Variants in TAB2 observed in about 807,000 individuals in gnomAD.
The protein encoded by TAB2 is TGF-beta-activated kinase 1 and MAP3K7-binding protein 2.
TAB2 carries 3 observed loss-of-function variants against 65.0 expected under a neutral mutation model. That is an observed-to-expected ratio of 0.05 (90% CI 0.02 to 0.12). The LOEUF (loss-of-function observed/expected upper bound fraction) is 0.12. Among genes scored for constraint, TAB2 ranks in the 10% least tolerant of loss-of-function variants. The probability of loss-of-function intolerance (pLI) is 1.00; values close to 1 mark genes in which losing one functional copy is unlikely to be tolerated. For missense variants in TAB2, 623 were observed against 840.3 expected, an observed-to-expected ratio of 0.74 and a Z score of 3.20; for synonymous variants, 298 against 285.1, an observed-to-expected ratio of 1.05 and a Z score of -0.46.
chr6:149,400,711 T>A, intron 6 of TAB2: 1 of 1,600,272 alleles, frequency 6.2e-7, no homozygotes, highest in East Asian at 2.2e-5. Flanking sequence ...TCCAGAACGC[T>A]GTTCTTTAAA....
chr6:149,292,542 T>C (rs1778796161), intron 1 of TAB2, among the ~76,000 whole-genome samples: 1 of 152,238 alleles, frequency 6.6e-6, no homozygotes, highest in African/African-American at 2.4e-5. Flanking sequence ...TGAAAGAAAT[T>C]GTTTTAAATG....
chr6:149,234,862 G>A (rs1329687261), intron 1 of TAB2, among the ~76,000 whole-genome samples: 2 of 97,780 alleles, frequency 2.0e-5, no homozygotes, highest in African/African-American at 6.0e-5. Context: ...ATTAGAGAGT[G>A]TGAAAAAAAA....
At chr6:149,275,124 T>G (rs541918576) in intron 1 of TAB2, among the ~76,000 whole-genome samples, 7 of 121,358 alleles carry the variant, frequency 5.8e-5, no homozygotes, top group African/African-American at 2.2e-4. Flanking sequence ...TCTCTTCTTC[T>G]GTTTTTTTTT....
At chr6:149,382,441 C>A (rs940418513) in intron 3 of TAB2, among the ~76,000 whole-genome samples, 16 of 151,862 alleles carry the variant, frequency 1.1e-4, no homozygotes, top group African/African-American at 3.6e-4. Flanking sequence ...ACTAAAAAGA[C>A]AAAAATTAGC....
chr6:149,286,564 C>A (rs1778679612), intron 1 of TAB2, among the ~76,000 whole-genome samples: 1 of 152,150 alleles, frequency 6.6e-6, no homozygotes, highest in Admixed American at 6.5e-5. Context: ...CTTTCAGATG[C>A]TTTGACTCAT....
At chr6:149,219,314 G>GTGTT (rs1777092268) in intron 1 of TAB2, among the ~76,000 whole-genome samples, 1 of 147,478 alleles carries the variant, frequency 6.8e-6, no homozygotes, top group African/African-American at 2.5e-5. Flanking sequence ...ATTTGTGTGT[G>GTGTT]TGTGTGTGTG....
intron 6 of TAB2, among the ~76,000 whole-genome samples, chr6:149,404,284 TAAA>T (rs1782587383): frequency 1.3e-5 from 2 of 152,066 alleles, no homozygotes; most frequent in African/African-American, 2.4e-5. Context: ...TGAAGGAAAT[TAAA>T]GAAGACACAG....
Position 149,397,672 on chromosome 6 carries a change from C to G in TAB2, c.1672C>G (p.Leu558Val). Residue 558 changes from leucine to valine, a missense_variant, in exon 4 of 7, where the codon CTG becomes GTG. Physicochemically the swap from Leu to Val is conservative, Grantham distance 32. This residue lies in a region of TAB2 where 550 missense variants were observed against 665.7 expected (regional missense o/e 0.83). Transcript: ENST00000637181. ...QRELEIQKKKLDKLKSEVNEM... is the reference protein window; with the variant it reads ...QRELEIQKKKVDKLKSEVNEM... ...AGAACTTGAGATTCAAAAGAAAAAGCTGGATAAATTAAAATCTGAGGTTAA... is the reference window on the plus strand; with the variant it reads ...AGAACTTGAGATTCAAAAGAAAAAGGTGGATAAATTAAAATCTGAGGTTAA... 6.2e-7 allele frequency: 1 copy of G among 1,613,986 alleles called. No homozygotes were observed. The highest frequency in any genetic ancestry group is 8.5e-7 in the Non-Finnish European group (1 of 1,179,974).
intron 1 of TAB2, among the ~76,000 whole-genome samples, chr6:149,333,172 C>A (rs1583097111): frequency 6.6e-6 from 1 of 152,148 alleles, no homozygotes; most frequent in South Asian, 2.1e-4. Context: ...TGATTGTTTT[C>A]GAAAGTAAAT....
At chr6:149,360,348 T>C (rs1375382231) in intron 1 of TAB2, among the ~76,000 whole-genome samples, 3 of 152,228 alleles carry the variant, frequency 2.0e-5, no homozygotes, top group African/African-American at 7.2e-5. Context: ...GGCTCACCTT[T>C]TGGTGGGGCT....
intron 1 of TAB2, among the ~76,000 whole-genome samples, chr6:149,308,253 T>C (rs1332338105): frequency 2.0e-5 from 3 of 152,154 alleles, no homozygotes. Flanking sequence ...AGTTTGCATA[T>C]TTAAAATTCC....
intron 1 of TAB2, among the ~76,000 whole-genome samples, chr6:149,282,718 T>G (rs1778596220): frequency 6.6e-6 from 1 of 152,180 alleles, no homozygotes; most frequent in African/African-American, 2.4e-5. Flanking sequence ...AGGGCAACAG[T>G]CAGAACAAAT....
intron 1 of TAB2, among the ~76,000 whole-genome samples, chr6:149,280,113 T>G (rs1475117843): frequency 6.6e-6 from 1 of 152,224 alleles, no homozygotes; most frequent in Non-Finnish European, 1.5e-5. Context: ...GTAATCAGAG[T>G]GCAGGCTCTG....
intron 1 of TAB2, among the ~76,000 whole-genome samples, chr6:149,367,219 G>A (rs1416981642): frequency 6.6e-6 from 1 of 152,064 alleles, no homozygotes; most frequent in African/African-American, 2.4e-5. Context: ...CAGTATGAGG[G>A]TGCAATGGTG....
intron 1 of TAB2, among the ~76,000 whole-genome samples, chr6:149,232,924 T>C (rs1777431892): frequency 6.6e-6 from 1 of 152,162 alleles, no homozygotes; most frequent in Admixed American, 6.5e-5. Context: ...GCTGCTGTAC[T>C]TCCCTCACAG....
intron 1 of TAB2, among the ~76,000 whole-genome samples, chr6:149,253,630 A>AAG (rs1483155480): frequency 1.4e-5 from 2 of 146,862 alleles, no homozygotes; most frequent in Non-Finnish European, 3.0e-5. Context: ...AAAAAAAAAA[A>AAG]AAAAAAAAGA....
At chr6:149,241,161 T>A (rs899638312) in intron 1 of TAB2, among the ~76,000 whole-genome samples, 2 of 152,208 alleles carry the variant, frequency 1.3e-5, no homozygotes, top group Non-Finnish European at 2.9e-5. Context: ...AGCACCTTGA[T>A]CTTGAGCTTC....
At chr6:149,307,380 C>G (rs1362323550) in intron 1 of TAB2, among the ~76,000 whole-genome samples, 1 of 152,142 alleles carries the variant, frequency 6.6e-6, no homozygotes, top group Non-Finnish European at 1.5e-5. Flanking sequence ...GTTTGGGGAA[C>G]AATAAGGCCA....
rs1343687044 is a variant in TAB2 at position 149,366,046 on chromosome 6, A to G, written c.-89-3863A>G. Among the ~76,000 whole-genome samples the G allele has an allele frequency of 2.6e-5, 4 of 152,168 alleles. No homozygotes were observed. The South Asian group carries it at 8.3e-4, about 31-fold the overall frequency. ...GCATAGTTAAAATAGATGCTTTAAAATACTTATGTGCTAATTCTAGCAGCT... is the reference window on the plus strand; with the variant it reads ...GCATAGTTAAAATAGATGCTTTAAAGTACTTATGTGCTAATTCTAGCAGCT... On this transcript the variant is annotated intron_variant, in intron 1 of 6. Coordinates refer to ENST00000637181, the MANE Select transcript of TAB2 (RefSeq NM_001292034.3).
Sources: gnomAD v4.1 joint callset for allele counts (sites outside exome capture counted in the v4.1 genomes callset) on GRCh38, gnomAD v4.1.1 for gene constraint, gnomAD v4.1.1 regional missense constraint, MANE v1.5 for transcripts, NCBI Gene and HGNC (gene_info 2026-07-23, HGNC 2026-07-21) for gene names.